Variants in SHANK2 observed in about 807,000 individuals in gnomAD.
The protein encoded by SHANK2 is SH3 and multiple ankyrin repeat domains 2.
SHANK2 carries 43 observed loss-of-function variants against 133.7 expected under a neutral mutation model. The observed-to-expected ratio is 0.32, with a 90% confidence interval of 0.25 to 0.41. SHANK2 has a LOEUF of 0.41. Ranked by LOEUF, SHANK2 falls within the 10% of genes least tolerant of loss-of-function variation. The probability of loss-of-function intolerance (pLI) is 1.00; values close to 1 mark genes in which losing one functional copy is unlikely to be tolerated. For missense variants in SHANK2, 1,994 were observed against 2,235.8 expected (o/e 0.89, Z 2.18); for synonymous variants, 1,017 against 952.8 (o/e 1.07, Z -1.24).
intron 12 of SHANK2, among the ~76,000 whole-genome samples, chr11:70,812,689 A>G (rs1307913862): frequency 6.6e-6 from 1 of 152,212 alleles, no homozygotes; most frequent in Admixed American, 6.5e-5. Context: ...CAGCCCAGGG[A>G]GAAGGGCTGC....
At chr11:70,802,262 A>G (rs781909662) in intron 13 of SHANK2, among the ~76,000 whole-genome samples, 20 of 152,292 alleles carry the variant, frequency 1.3e-4, no homozygotes, top group African/African-American at 1.9e-4. Context: ...ATGCTTCCTG[A>G]GGCCACAGTG....
chr11:70,837,251 G>C (rs1323592148), intron 11 of SHANK2, among the ~76,000 whole-genome samples: 1 of 152,182 alleles, frequency 6.6e-6, no homozygotes, highest in African/African-American at 2.4e-5. Flanking sequence ...AGGCTTCCAG[G>C]GGACTTACGC....
chr11:70,726,901 C>A (rs1046384649), intron 14 of SHANK2, among the ~76,000 whole-genome samples: 2 of 152,202 alleles, frequency 1.3e-5, no homozygotes, highest in Non-Finnish European at 1.5e-5. Flanking sequence ...GGCTAGCCCA[C>A]TAAAGGATGA....
intron 2 of SHANK2, among the ~76,000 whole-genome samples, chr11:71,193,453 C>T (rs189990740): frequency 1.6e-3 from 244 of 152,336 alleles, no homozygotes; most frequent in Non-Finnish European, 1.8e-3. Flanking sequence ...CTTGACCTTG[C>T]GCTGGACGTG....
rs377479264 is a variant in SHANK2 at position 70,796,792 on chromosome 11, A to G, written c.1777+1651T>C. Reference sequence around the variant, plus strand: ...CTGAGGTCAGAAGCTCCCCCTGGTGACCAAAAAGGCTAAGACTAGTGGGAT... The same window carrying G: ...CTGAGGTCAGAAGCTCCCCCTGGTGGCCAAAAAGGCTAAGACTAGTGGGAT... On this transcript the variant is annotated intron_variant, in intron 14 of 25. Coordinates refer to ENST00000601538, the MANE Select transcript of SHANK2 (RefSeq NM_012309.5). Among the ~76,000 whole-genome samples the G allele has an allele frequency of 8.3e-4, 126 of 152,332 alleles. 1 individual carries two copies. Among genetic ancestry groups the G allele is most frequent in the Middle Eastern group, 6.8e-3 (2 of 294 alleles).
At chr11:71,176,284 C>G (rs1555113098) in intron 2 of SHANK2, among the ~76,000 whole-genome samples, 1 of 152,038 alleles carries the variant, frequency 6.6e-6, no homozygotes, top group Non-Finnish European at 1.5e-5. Flanking sequence ...GTACAGAAAT[C>G]CAAAACACAC....
At chr11:70,591,743 G>A (rs1316569831) in intron 17 of SHANK2, among the ~76,000 whole-genome samples, 3 of 152,080 alleles carry the variant, frequency 2.0e-5, no homozygotes, top group East Asian at 1.9e-4. Flanking sequence ...TGGGCCGGGC[G>A]CGGTGGCTCA....
rs1281132755 is a variant in SHANK2, at chr11:70,804,923, G to C, written c.1663+2079C>G. Among the ~76,000 whole-genome samples, 2 of 152,180 alleles carry C rather than the reference G, an allele frequency of 1.3e-5. No individual in the cohort carries two copies. Among genetic ancestry groups the C allele is most frequent in the Non-Finnish European group, 2.9e-5 (2 of 68,022 alleles). On this transcript the variant is annotated intron_variant, in intron 13 of 25. Coordinates refer to ENST00000601538, the MANE Select transcript of SHANK2 (RefSeq NM_012309.5). This position sits in a 1 kb window ranked among gnomAD's most constrained non-coding sequence, Gnocchi z 4.1. ...TGCTGCTACTCAGGGTCCCCTCTAA[G>C]GGACTCTCAGCTGTTTAGTGCCCAC...
intron 17 of SHANK2, among the ~76,000 whole-genome samples, chr11:70,543,914 A>ATTGC (rs1554975692): frequency 6.6e-6 from 1 of 152,118 alleles, no homozygotes; most frequent in Non-Finnish European, 1.5e-5. Flanking sequence ...GAGGGAACCG[A>ATTGC]TTGCTTGCTT....
intron 14 of SHANK2, among the ~76,000 whole-genome samples, chr11:70,711,399 C>CTTTTG (rs2134585808): frequency 6.6e-6 from 1 of 152,378 alleles, no homozygotes; most frequent in Admixed American, 6.5e-5. Flanking sequence ...TGTGCCCAGG[C>CTTTTG]TGCTGAGCCA....
chr11:71,175,556 GAGAGAGAGAGAGAGAGAGAGAGAGAGAGA>G lies in SHANK2; in HGVS notation c.-12-28247_-12-28219del, dbSNP rs1953421347. On this transcript the variant is annotated intron_variant, in intron 2 of 25. Coordinates refer to ENST00000601538, the MANE Select transcript of SHANK2 (RefSeq NM_012309.5). This position sits in a 1 kb window ranked among gnomAD's most constrained non-coding sequence, Gnocchi z 4.2. Reference sequence around the variant, plus strand: ...AGACAGAGGGAGAGGGAGAGGGAGAGAGAGAGAGAGAGAGAGAGAGAGAGAGAGAGAGAGAGAGAGAGAGAGACAGAGAC... The same window carrying G: ...AGACAGAGGGAGAGGGAGAGGGAGAGGAGAGAGAGAGAGAGAGACAGAGAC... Among the ~76,000 whole-genome samples the G allele has an allele frequency of 1.7e-5, 1 of 58,564 alleles. No homozygotes were observed. The highest frequency in any genetic ancestry group is 3.1e-5 in the Non-Finnish European group (1 of 32,726). The allele number at this position is 58,564 out of a possible 152,430, so 38.4% of individuals were successfully genotyped here.
At chr11:71,218,184 A>T (rs1300115851) in intron 2 of SHANK2, among the ~76,000 whole-genome samples, 1 of 151,980 alleles carries the variant, frequency 6.6e-6, no homozygotes, top group African/African-American at 2.4e-5. Context: ...TAAAAAAATT[A>T]AAAGTTTATA....
chr11:71,119,132 T>C (rs1418267388), intron 3 of SHANK2, 100 bp from the exon 4 acceptor site: 22 of 925,478 alleles, frequency 2.4e-5, no homozygotes, highest in Non-Finnish European at 3.3e-5. Flanking sequence ...CTTCCACCCC[T>C]TCCCGACACT....
intron 25 of SHANK2, among the ~76,000 whole-genome samples, chr11:70,484,335 C>T (rs1299950725): frequency 6.6e-6 from 1 of 152,146 alleles, no homozygotes; most frequent in African/African-American, 2.4e-5. Flanking sequence ...TTAGCACCAT[C>T]TTCCCTGGCT....
At chr11:70,638,064 C>T (rs35138631) in intron 17 of SHANK2, among the ~76,000 whole-genome samples, 25,857 of 152,324 alleles carry the variant, frequency 0.17, 2,629 homozygotes, top group Non-Finnish European at 0.24. Context: ...GGACAGCTAG[C>T]AGCCCACAGT....
chr11:70,606,487 CCA>C (rs1404797034), intron 17 of SHANK2, among the ~76,000 whole-genome samples: 1 of 115,812 alleles, frequency 8.6e-6, no homozygotes, highest in African/African-American at 3.4e-5. Flanking sequence ...CCAGCATGAA[CCA>C]CAGAGTGAAA....
intron 3 of SHANK2, among the ~76,000 whole-genome samples, chr11:71,140,738 G>A (rs1486521994): frequency 6.6e-6 from 1 of 152,242 alleles, no homozygotes; most frequent in African/African-American, 2.4e-5. Context: ...GGAACCCCGA[G>A]GCTCAGATCT....
chr11:70,865,583 G>A (rs1180600505), intron 11 of SHANK2, among the ~76,000 whole-genome samples: 8 of 152,154 alleles, frequency 5.3e-5, no homozygotes, highest in African/African-American at 1.9e-4. Context: ...TGTGCCTCAG[G>A]GTGGGGTGGG....
intron 14 of SHANK2, among the ~76,000 whole-genome samples, chr11:70,750,791 G>A (rs887520535): frequency 5.9e-5 from 9 of 152,164 alleles, no homozygotes; most frequent in Non-Finnish European, 8.8e-5. Context: ...CTGTGCATAC[G>A]TGGGACAGAT....
Sources: allele counts gnomAD v4.1 joint callset (sites outside exome capture counted in the v4.1 genomes callset), GRCh38; gene constraint gnomAD v4.1.1; non-coding constraint Gnocchi (gnomAD v3.1); transcripts MANE v1.5; gene names NCBI Gene and HGNC (gene_info 2026-07-23, HGNC 2026-07-21).